WWOX: variants seen among roughly 807,000 people sequenced by gnomAD.
WWOX encodes the protein WW domain-containing oxidoreductase.
WWOX carries 69 observed loss-of-function variants against 46.2 expected under a neutral mutation model. The ratio of observed to expected loss-of-function variants is 1.49; its 90% CI spans 1.23 to 1.82. The LOEUF is 1.82. Among genes scored for constraint, WWOX ranks in the 40% most tolerant of loss-of-function variants. WWOX has a pLI of 0.00. For missense variants in WWOX, 919 were observed against 542.6 expected, an observed-to-expected ratio of 1.69 and a Z score of -6.89; for synonymous variants, 359 against 202.6, an observed-to-expected ratio of 1.77 and a Z score of -6.56.
intron 8 of WWOX, among the ~76,000 whole-genome samples, chr16:78,717,279 G>C (rs957939723): frequency 6.6e-6 from 1 of 152,206 alleles, no homozygotes; most frequent in African/African-American, 2.4e-5. Flanking sequence ...TAGAGATCCA[G>C]TAGTTAAGAG....
chr16:78,340,004 T>G, intron 5 of WWOX, among the ~76,000 whole-genome samples: 1 of 47,582 alleles, frequency 2.1e-5, no homozygotes, highest in East Asian at 3.7e-4. Context: ...TTCTAGTCTT[T>G]CCATGGATTT....
At chr16:78,621,590 ATCTTTTTT>A (rs2046184364) in intron 8 of WWOX, among the ~76,000 whole-genome samples, 1 of 43,000 alleles carries the variant, frequency 2.3e-5, no homozygotes, top group African/African-American at 9.0e-5. Context: ...TGTTGTTCTA[ATCTTTTTT>A]TTTTTTTTTT....
intron 8 of WWOX, among the ~76,000 whole-genome samples, chr16:78,577,104 C>T (rs1215598020): frequency 2.0e-5 from 3 of 152,188 alleles, no homozygotes; most frequent in African/African-American, 7.2e-5. Flanking sequence ...GAACATTCTT[C>T]TCTTGGTGTA....
chr16:78,572,915 A>G (rs2044754379), intron 8 of WWOX, among the ~76,000 whole-genome samples: 1 of 152,146 alleles, frequency 6.6e-6, no homozygotes, highest in Non-Finnish European at 1.5e-5. Flanking sequence ...TAAAGTGTAC[A>G]CACATTGCTT....
intron 5 of WWOX, among the ~76,000 whole-genome samples, chr16:78,288,421 C>T (rs927093194): frequency 2.0e-5 from 3 of 151,922 alleles, no homozygotes; most frequent in African/African-American, 7.3e-5. Context: ...CTAGGTTGGC[C>T]TGATTTTTGT....
At chr16:78,859,000 T>TAA (rs2052638771) in intron 8 of WWOX, among the ~76,000 whole-genome samples, 1 of 79,868 alleles carries the variant, frequency 1.3e-5, no homozygotes, top group East Asian at 5.1e-4. Flanking sequence ...GTTTTGAAAT[T>TAA]TAAAAAAAAA....
chr16:78,732,024 C>A (rs2048982195), intron 8 of WWOX, among the ~76,000 whole-genome samples: 1 of 150,036 alleles, frequency 6.7e-6, no homozygotes, highest in African/African-American at 2.5e-5. Context: ...TTTAAAAAAA[C>A]AAACAAACAA....
chr16:79,179,103 A>T (rs2050859000), intron 8 of WWOX, among the ~76,000 whole-genome samples: 1 of 152,216 alleles, frequency 6.6e-6, no homozygotes, highest in African/African-American at 2.4e-5. Flanking sequence ...CTAAGGACAC[A>T]TGGGGGAACT....
At chr16:78,255,718 C>T (rs754262652) in intron 5 of WWOX, among the ~76,000 whole-genome samples, 1 of 152,100 alleles carries the variant, frequency 6.6e-6, no homozygotes, top group African/African-American at 2.4e-5. Context: ...AATAATAATA[C>T]CCATCATTTA....
At chr16:78,945,657 G>C (rs1037700500) in intron 8 of WWOX, among the ~76,000 whole-genome samples, 1 of 151,524 alleles carries the variant, frequency 6.6e-6, no homozygotes, top group African/African-American at 2.4e-5. Flanking sequence ...TTTTTTTTAA[G>C]TTGGCATCTT....
chr16:79,087,773 T>C (rs775605531), intron 8 of WWOX, among the ~76,000 whole-genome samples: 16 of 152,228 alleles, frequency 1.1e-4, no homozygotes, highest in Non-Finnish European at 1.9e-4. Context: ...TCTTTTAGTT[T>C]AGTACGTTCT....
At chr16:78,520,599 GGGAC>G (rs1356904084) in intron 8 of WWOX, among the ~76,000 whole-genome samples, 1 of 152,058 alleles carries the variant, frequency 6.6e-6, no homozygotes, top group African/African-American at 2.4e-5. Context: ...GAAGGCTGCT[GGGAC>G]TCACTCTAGA....
At chr16:78,855,212 G>C (rs1449036808) in intron 8 of WWOX, among the ~76,000 whole-genome samples, 1 of 152,052 alleles carries the variant, frequency 6.6e-6, no homozygotes, top group Non-Finnish European at 1.5e-5. Context: ...ATACAGGTTT[G>C]ACCTACAAAG....
rs138982854 is a variant in WWOX at position 78,593,537 on chromosome 16, G to A, written c.1056+160785G>A. On this transcript the variant is annotated intron_variant, in intron 8 of 8. Transcript: ENST00000566780. ...AGACCAGTCACAGTTCCTGATTCCC[G>A]GCCACAGTGCATGATGGGGGAATGA... Among the ~76,000 whole-genome samples, 157 of 152,256 alleles carry A rather than the reference G, an allele frequency of 1.0e-3. 1 individual carries two copies. The highest frequency in any genetic ancestry group is 1.8e-3 in the Non-Finnish European group (122 of 68,026).
intron 8 of WWOX, among the ~76,000 whole-genome samples, chr16:79,051,432 G>T (rs998728226): frequency 2.6e-5 from 4 of 152,150 alleles, no homozygotes; most frequent in African/African-American, 9.7e-5. Context: ...TCCATTCTGT[G>T]GCTTCACCTT....
chr16:78,898,329 G>A (rs1201025750), intron 8 of WWOX: 3 of 152,064 alleles, frequency 2.0e-5, no homozygotes, highest in African/African-American at 7.2e-5. Context: ...ATGGTGTGAG[G>A]TAATGGTAGA....
chr16:79,065,804 A>T (rs1209714775), intron 8 of WWOX, among the ~76,000 whole-genome samples: 2 of 152,210 alleles, frequency 1.3e-5, no homozygotes, highest in Admixed American at 1.3e-4. Context: ...CCCAGGGATG[A>T]GTGAGGACTG....
At chr16:78,495,024 C>T (rs987619846) in intron 8 of WWOX, among the ~76,000 whole-genome samples, 8 of 151,962 alleles carry the variant, frequency 5.3e-5, no homozygotes, top group South Asian at 2.1e-4. Flanking sequence ...TCGGACATGA[C>T]GTACTGCAAA....
chr16:78,388,645 CAAAAAAAAAAAAAAAAA>C (rs59881601), intron 6 of WWOX, among the ~76,000 whole-genome samples: 3 of 53,048 alleles, frequency 5.7e-5, no homozygotes, highest in East Asian at 6.2e-4. Context: ...GACTCCGTCT[CAAAAAAAAAAAAAAAAA>C]AAAAAAAAAA....
Sources: gnomAD v4.1 joint callset for allele counts (sites outside exome capture counted in the v4.1 genomes callset) on GRCh38, gnomAD v4.1.1 for gene constraint, MANE v1.5 for transcripts, NCBI Gene and HGNC (gene_info 2026-07-23, HGNC 2026-07-21) for gene names.